Variants in UNC80 observed in about 807,000 individuals in gnomAD.
UNC80 encodes the protein protein unc-80 homolog.
A neutral mutation model predicts 384.6 loss-of-function variants in UNC80; 164 were observed. The observed-to-expected ratio is 0.43, with a 90% CI of 0.38 to 0.49. The LOEUF (loss-of-function observed/expected upper bound fraction) is 0.49, where lower values mean the gene tolerates loss of function less well. Ranked by LOEUF, UNC80 falls within the 20% of genes least tolerant of loss-of-function variation. The pLI, the probability that UNC80 is intolerant of heterozygous loss-of-function variation, is 0.00. For missense variants in UNC80, 3,330 were observed against 4,143.0 expected (o/e 0.80, Z 5.39); for synonymous variants, 1,486 against 1,527.8 (o/e 0.97, Z 0.64).
At chr2:209,802,187 G>A (rs2078604965) in intron 7 of UNC80, among the ~76,000 whole-genome samples, 2 of 151,940 alleles carry the variant, frequency 1.3e-5, no homozygotes, top group Admixed American at 6.6e-5. Flanking sequence ...TTGATCAAAG[G>A]GTATAAAATT....
chr2:209,926,945 A>G lies in UNC80; in HGVS notation c.5765A>G (p.His1922Arg). ...CICAAVLPIV[H>R]LMEDGEVRED... ...TGTGCAGCAGTACTTCCCATTGTTC[A>G]TCTGATGGAGGATGGTGAGGTGCGG... The change falls in exon 36 of 65, where the codon CAT (histidine) becomes CGT (arginine). Residue 1922 changes from histidine (H) to arginine (R), a missense_variant. His to Arg is a conservative substitution (Grantham distance 29). Transcript: ENST00000673920. 4 of 1,552,124 alleles carry G rather than the reference A, an allele frequency of 2.6e-6. No homozygotes were observed. The highest frequency in any genetic ancestry group is 3.5e-6 in the Non-Finnish European group (4 of 1,147,030).
chr2:209,960,076 C>A (rs979405226), intron 51 of UNC80, among the ~76,000 whole-genome samples: 2 of 152,164 alleles, frequency 1.3e-5, no homozygotes, highest in African/African-American at 4.8e-5. Context: ...AATGTTTCTT[C>A]TCTGTTATTT....
Position 209,979,314 on chromosome 2 carries a change from A to G in UNC80, c.9118+606A>G, listed in dbSNP as rs1449904857. 2.7e-5 allele frequency among the ~76,000 whole-genome samples: 4 copies of G among 145,802 alleles called. No individual in the cohort carries two copies. The Admixed American group carries it at 2.8e-4, about 10-fold the overall frequency. The stretch of plus-strand genomic sequence containing the variant: ...TAAACCTATATAGTCAACTTTTTCC[A>G]CTAACTCCCATTTAAATTGTGGATA... On this transcript the variant is annotated intron_variant, in intron 59 of 64. Coordinates refer to ENST00000673920, the MANE Select transcript of UNC80 (RefSeq NM_001371986.1).
intron 27 of UNC80, among the ~76,000 whole-genome samples, chr2:209,895,025 T>C (rs1282422639): frequency 6.6e-6 from 1 of 152,148 alleles, no homozygotes; most frequent in Admixed American, 6.6e-5. Flanking sequence ...AATTAGAAGA[T>C]GACCATACAA....
chr2:209,959,831 C>T lies in UNC80; in HGVS notation c.7805+124C>T, dbSNP rs540350663. 186 of 901,938 alleles carry T rather than the reference C, an allele frequency of 2.1e-4. 2 individuals carry two copies. In the South Asian group the frequency reaches 2.1e-3, roughly 10 times the overall value. The allele number at this position is 901,938 out of a possible 1,614,324, so 55.9% of individuals were successfully genotyped here. ...CTCTTAATATAGAATGATTTGTTTC[C>T]GGTGACTTAGGTACACATCATACAG... is the stretch of plus-strand genomic sequence containing the variant. On this transcript the variant is annotated intron_variant, in intron 51 of 64. Transcript: ENST00000673920.
Position 209,969,788 on chromosome 2 carries a change from C to T in UNC80, c.8027C>T (p.Pro2676Leu), listed in dbSNP as rs750290879. 188 of 1,551,558 alleles carry T rather than the reference C, an allele frequency of 1.2e-4. 1 individual carries two copies. Among genetic ancestry groups the T allele is most frequent in the Non-Finnish European group, 1.6e-4 (180 of 1,146,982 alleles). ...TCCAGGCGACAGGTTGAGTGGGAGC[C>T]TGCCAGCAATTTGATTGAAGGGGTT... ...PTLRRQVEWE[P>L]ASNLIEGVCL... Residue 2676 changes from proline to leucine, a missense_variant, in exon 53 of 65, where the codon CCT (proline) becomes CTT (leucine). By Grantham distance (98) the Pro-to-Leu change is moderately conservative. This residue lies in a region of UNC80 where 1,049 missense variants were observed against 1,488.6 expected (regional missense o/e 0.70). Coordinates refer to ENST00000673920, the MANE Select transcript of UNC80 (RefSeq NM_001371986.1).
In UNC80 at chr2:209,790,889, A is replaced by G. The variant is rs144440044; in HGVS notation, c.798+1284A>G. Among the ~76,000 whole-genome samples, 793 of 152,318 alleles carry G rather than the reference A, an allele frequency of 5.2e-3. 9 individuals are homozygous for G. Among genetic ancestry groups the G allele is most frequent in the African/African-American group, 0.018 (747 of 41,574 alleles). On this transcript the variant is annotated intron_variant, in intron 6 of 64. Coordinates refer to ENST00000673920, the MANE Select transcript of UNC80 (RefSeq NM_001371986.1). ...ACTAGTATAAAATAAAAAATCCTCA[A>G]TGATACAAGTAACATGTCCTAGTTT...
At chr2:209,835,910 C>A (rs1212976394) in intron 18 of UNC80, among the ~76,000 whole-genome samples, 1 of 152,176 alleles carries the variant, frequency 6.6e-6, no homozygotes, top group East Asian at 1.9e-4. Flanking sequence ...TCTTGTAGCA[C>A]TTCAAAATCT....
intron 6 of UNC80, among the ~76,000 whole-genome samples, chr2:209,790,535 T>A (rs1056441370): frequency 1.3e-5 from 2 of 152,202 alleles, no homozygotes; most frequent in African/African-American, 4.8e-5. Flanking sequence ...TCCCTACTGG[T>A]AGCTGTCTTG....
In UNC80 at chr2:209,995,678, A is replaced by G. The variant is rs146213472; in HGVS notation, c.*83A>G. On this transcript the variant is annotated 3_prime_UTR_variant, in exon 65 of 65. Coordinates refer to ENST00000673920, the MANE Select transcript of UNC80 (RefSeq NM_001371986.1). ...ACAAGTTCAATACTTTTGCTTGAAA[A>G]AGATTAATTACAAAATAGCACTTTA... The G allele has an allele frequency of 8.5e-5, 124 of 1,456,450 alleles. No homozygotes were observed. Among genetic ancestry groups the G allele is most frequent in the Non-Finnish European group, 1.1e-4 (116 of 1,089,976 alleles). The allele number at this position is 1,456,450 out of a possible 1,614,324, so 90.2% of individuals were successfully genotyped here. A position where few individuals can be genotyped will look rare whatever the true frequency, so the allele number is the denominator to read the frequency against.
chr2:209,817,988 G>C (rs1379253796), intron 11 of UNC80, 36 bp downstream of exon 11: 1 of 1,548,996 alleles, frequency 6.5e-7, no homozygotes, highest in Non-Finnish European at 8.7e-7. Flanking sequence ...CAGGAGTTCA[G>C]AGTTCTTTTT....
chr2:209,785,121 T>A (rs1386132298), intron 4 of UNC80, among the ~76,000 whole-genome samples: 1 of 152,202 alleles, frequency 6.6e-6, no homozygotes, highest in Non-Finnish European at 1.5e-5. Flanking sequence ...AGGTAAGTGA[T>A]ACCTGGGCCT....
At position 209,971,464 on chromosome 2, in the gene UNC80, CAA is replaced by C. The variant is rs35804573; in HGVS notation, c.8256+524_8256+525del. Among the ~76,000 whole-genome samples, 872 of 133,730 alleles carry C rather than the reference CAA, an allele frequency of 6.5e-3. 13 individuals carry two copies. The highest frequency in any genetic ancestry group is 0.023 in the African/African-American group (825 of 35,930). 87.7% of individuals were successfully genotyped at this position (133,730 alleles called of 152,430 possible). On this transcript the variant is annotated intron_variant, in intron 54 of 64. Transcript: ENST00000673920. ...AAAATTAAAATAATCATTCCCAAGG[CAA>C]AAAAAAAAAAAAAAAATTGCAGAAT...
chr2:209,808,763 C>A (rs1308708016), intron 7 of UNC80: 3 of 43,706 alleles, frequency 6.9e-5, no homozygotes, highest in Non-Finnish European at 7.4e-5. Context: ...GTCGCCTGCG[C>A]TACTTCTGCG....
In UNC80 at chr2:209,834,970, C is replaced by G; in HGVS notation, c.3001C>G (p.Arg1001Gly). Residue 1001 changes from arginine to glycine, a missense_variant, in exon 18 of 65, where the codon CGC (arginine) becomes GGC (glycine). By Grantham distance (125) the Arg-to-Gly change is moderately radical. Around this residue, in one of 8 missense-constraint regions of UNC80, gnomAD observed 801 missense variants for 950.8 expected, o/e 0.84. Transcript: ENST00000673920. ...GQVSSAPEEC[R>G]SFMSGRPSQT... ...GGTATCCTCTGCACCTGAGGAATGT[C>G]GCAGCTTCATGTCTGGTCGCCCCTC... 1 of 1,551,122 alleles carries G rather than the reference C, an allele frequency of 6.4e-7. No homozygotes were observed. Among genetic ancestry groups the G allele is most frequent in the Non-Finnish European group, 8.7e-7 (1 of 1,146,554 alleles).
intron 22 of UNC80, among the ~76,000 whole-genome samples, chr2:209,853,327 A>AT (rs572126680): frequency 4.6e-5 from 7 of 152,220 alleles, no homozygotes; most frequent in Admixed American, 3.9e-4. Flanking sequence ...TTTAAATGTG[A>AT]TTTTTTTAAG....
intron 56 of UNC80, among the ~76,000 whole-genome samples, chr2:209,974,805 T>A (rs2092969303): frequency 6.6e-6 from 1 of 152,252 alleles, no homozygotes; most frequent in Non-Finnish European, 1.5e-5. Flanking sequence ...CACTGCTATG[T>A]CTTAGGCTGA....
At chr2:209,988,789 G>C (rs2093339577) in intron 61 of UNC80, among the ~76,000 whole-genome samples, 1 of 152,148 alleles carries the variant, frequency 6.6e-6, no homozygotes, top group Admixed American at 6.5e-5. Context: ...GGTCACACCA[G>C]TTCTGCTGAG....
chr2:209,802,405 T>G (rs2078622202), intron 7 of UNC80, among the ~76,000 whole-genome samples: 1 of 152,176 alleles, frequency 6.6e-6, no homozygotes, highest in Admixed American at 6.5e-5. Context: ...AACATCACAT[T>G]GTACTTCATA....
Sources: allele counts gnomAD v4.1 joint callset (sites outside exome capture counted in the v4.1 genomes callset), GRCh38; gene constraint gnomAD v4.1.1; regional missense constraint gnomAD v4.1.1; transcripts MANE v1.5; gene names NCBI Gene and HGNC (gene_info 2026-07-23, HGNC 2026-07-21).